FAM107B: variants seen among roughly 807,000 people sequenced by gnomAD.
FAM107B encodes protein FAM107B.
FAM107B carries 21 observed loss-of-function variants against 31.5 expected under a neutral mutation model. The observed-to-expected ratio is 0.67, with a 90% confidence interval of 0.47 to 0.96. FAM107B has a LOEUF of 0.96. Among genes scored for constraint, FAM107B ranks in the 40% least tolerant of loss-of-function variants. The pLI is 0.00. For synonymous variants in FAM107B, 157 were observed against 141.5 expected (o/e 1.11, Z -0.78); for missense variants, 452 against 377.1 (o/e 1.20, Z -1.64).
chr10:14,656,061 T>C (rs1390019936), intron 2 of FAM107B, among the ~76,000 whole-genome samples: 2 of 152,164 alleles, frequency 1.3e-5, no homozygotes, highest in Admixed American at 1.3e-4. Context: ...ATCGCTGATA[T>C]AAACAATTGA....
At chr10:14,677,283 A>G (rs1341256572) in intron 1 of FAM107B, among the ~76,000 whole-genome samples, 2 of 152,156 alleles carry the variant, frequency 1.3e-5, no homozygotes, top group Non-Finnish European at 2.9e-5. Flanking sequence ...ATAAAGCACT[A>G]CACTAAACTC....
chr10:14,584,757 A>C (rs772009138), intron 2 of FAM107B, among the ~76,000 whole-genome samples: 4 of 152,156 alleles, frequency 2.6e-5, no homozygotes, highest in Non-Finnish European at 5.9e-5. Context: ...CTATGTAACA[A>C]AAGGACCGGA....
At chr10:14,604,367 C>G (rs1292446481) in intron 2 of FAM107B, 5 of 505,436 alleles carry the variant, frequency 9.9e-6, no homozygotes, top group South Asian at 1.6e-4. Flanking sequence ...GGCGGCGGCC[C>G]GGCCCGCAAG....
intron 1 of FAM107B, among the ~76,000 whole-genome samples, chr10:14,767,085 G>GAGAGAC (rs1833193905): frequency 9.1e-6 from 1 of 109,378 alleles, no homozygotes. Context: ...GAGAGAGAGA[G>GAGAGAC]AGAGAGAGAG....
chr10:14,557,222 G>T (rs1286799063), intron 2 of FAM107B, among the ~76,000 whole-genome samples: 1 of 152,156 alleles, frequency 6.6e-6, no homozygotes, highest in African/African-American at 2.4e-5. Context: ...AGCCCCATGT[G>T]TGTTTTTTAT....
intron 1 of FAM107B, among the ~76,000 whole-genome samples, chr10:14,707,127 G>GA (rs1243910384): frequency 6.7e-6 from 1 of 150,296 alleles, no homozygotes; most frequent in Admixed American, 6.6e-5. Flanking sequence ...CTCTGTCTCA[G>GA]AAAAAAACAA....
intron 2 of FAM107B, among the ~76,000 whole-genome samples, chr10:14,611,515 TATATATATATATA>T (rs1852726281): frequency 1.0e-5 from 1 of 99,266 alleles, no homozygotes; most frequent in Non-Finnish European, 2.4e-5. Flanking sequence ...TATATATATA[TATATATATATATA>T]TTCACCTAAC....
intron 2 of FAM107B, among the ~76,000 whole-genome samples, chr10:14,591,431 G>C (rs1182629604): frequency 2.0e-5 from 3 of 152,178 alleles, no homozygotes; most frequent in Non-Finnish European, 4.4e-5. Flanking sequence ...CAAGAGCCAA[G>C]CCAATCTTTG....
intron 1 of FAM107B, among the ~76,000 whole-genome samples, chr10:14,761,672 T>C (rs1833050470): frequency 6.6e-6 from 1 of 152,126 alleles, no homozygotes; most frequent in Non-Finnish European, 1.5e-5. Flanking sequence ...CGATCTCAGC[T>C]CACTGCAACC....
intron 1 of FAM107B, among the ~76,000 whole-genome samples, chr10:14,729,696 C>A (rs1292717530): frequency 2.0e-5 from 3 of 152,046 alleles, no homozygotes; most frequent in Non-Finnish European, 4.4e-5. Flanking sequence ...GGGTATATAC[C>A]CAAAAGATTA....
intron 2 of FAM107B, among the ~76,000 whole-genome samples, chr10:14,531,694 T>C (rs2130862451): frequency 6.6e-6 from 1 of 151,738 alleles, no homozygotes; most frequent in South Asian, 2.1e-4. Flanking sequence ...ATACAAAAAA[T>C]AGCCAGGCGT....
At chr10:14,647,576 C>T (rs893052758) in intron 2 of FAM107B, among the ~76,000 whole-genome samples, 2 of 150,462 alleles carry the variant, frequency 1.3e-5, no homozygotes, top group Non-Finnish European at 2.9e-5. Context: ...CCCAGCTACT[C>T]GGGAGGCTGA....
At chr10:14,725,992 A>AT (rs200256526) in intron 1 of FAM107B, among the ~76,000 whole-genome samples, 32,805 of 145,734 alleles carry the variant, frequency 0.23, 3,785 homozygotes, top group African/African-American at 0.29. Context: ...CACCCGGCTA[A>AT]TTTTTTTTTT....
chr10:14,662,354 C>T (rs1378390827), intron 2 of FAM107B, among the ~76,000 whole-genome samples: 1 of 150,866 alleles, frequency 6.6e-6, no homozygotes, highest in African/African-American at 2.4e-5. Context: ...AGGCAATTCT[C>T]CCTTCATCTG....
At chr10:14,593,324 G>A (rs1029466720) in intron 2 of FAM107B, among the ~76,000 whole-genome samples, 3 of 152,066 alleles carry the variant, frequency 2.0e-5, no homozygotes, top group African/African-American at 7.2e-5. Context: ...AGAAAGTTTA[G>A]GAAGATGTGA....
intron 1 of FAM107B, among the ~76,000 whole-genome samples, chr10:14,750,526 C>T (rs1225038245): frequency 6.6e-6 from 1 of 152,090 alleles, no homozygotes; most frequent in Admixed American, 6.6e-5. Flanking sequence ...GCGGGAGAAT[C>T]GCTTGAACCC....
chr10:14,737,420 C>T (rs1451406076), intron 1 of FAM107B, among the ~76,000 whole-genome samples: 2 of 151,926 alleles, frequency 1.3e-5, no homozygotes, highest in South Asian at 2.1e-4. Context: ...GGGGACCAGC[C>T]TGGGCAACAC....
intron 1 of FAM107B, among the ~76,000 whole-genome samples, chr10:14,731,307 A>G (rs2131560375): frequency 6.6e-6 from 1 of 152,316 alleles, no homozygotes; most frequent in East Asian, 1.9e-4. Flanking sequence ...CACGCCTGTA[A>G]TCCCAGCAGT....
intron 2 of FAM107B, among the ~76,000 whole-genome samples, chr10:14,536,406 G>T (rs1847611306): frequency 6.6e-6 from 1 of 152,168 alleles, no homozygotes; most frequent in Non-Finnish European, 1.5e-5. Context: ...CTAAGATTCT[G>T]CCAACCCTCT....
Sources: gnomAD v4.1 joint callset for allele counts (sites outside exome capture counted in the v4.1 genomes callset) on GRCh38, gnomAD v4.1.1 for gene constraint, MANE v1.5 for transcripts, NCBI Gene and HGNC (gene_info 2026-07-23, HGNC 2026-07-21) for gene names.